PTPRG: variants seen among roughly 807,000 people sequenced by gnomAD.
PTPRG encodes receptor-type tyrosine-protein phosphatase gamma.
In PTPRG, 102 loss-of-function variants were observed where a neutral mutation model predicts 165.3. The observed-to-expected ratio is 0.62, with a 90% CI of 0.53 to 0.73. The LOEUF (loss-of-function observed/expected upper bound fraction) is 0.73, where lower values mean the gene tolerates loss of function less well. Ranked by LOEUF, PTPRG falls within the 30% of genes least tolerant of loss-of-function variation. PTPRG has a pLI of 0.00. For synonymous variants in PTPRG, 675 were observed against 669.5 expected, an observed-to-expected ratio of 1.01 and a Z score of -0.13; for missense variants, 1,866 against 1,861.4, an observed-to-expected ratio of 1.00 and a Z score of -0.05.
chr3:61,764,398 G>GCTAA (rs2033948483), intron 2 of PTPRG, among the ~76,000 whole-genome samples: 1 of 152,132 alleles, frequency 6.6e-6, no homozygotes, highest in Non-Finnish European at 1.5e-5. Context: ...CGAGATTAGG[G>GCTAA]CTAACTACAA....
intron 1 of PTPRG, among the ~76,000 whole-genome samples, chr3:61,607,491 C>T (rs762042571): frequency 2.6e-5 from 4 of 152,110 alleles, no homozygotes; most frequent in Non-Finnish European, 4.4e-5. Flanking sequence ...ACATCGCTAC[C>T]GCTCTCATTT....
chr3:62,255,707 C>T lies in PTPRG; in HGVS notation c.2559+492C>T, dbSNP rs1246329020. Among the ~76,000 whole-genome samples, 1 of 152,210 alleles carries T rather than the reference C, an allele frequency of 6.6e-6. No individual in the cohort carries two copies. The highest frequency in any genetic ancestry group is 1.5e-5 in the Non-Finnish European group (1 of 68,042). Reference sequence around the variant, plus strand: ...CATTTTTGAAAAATGGCACCAATGTCACCTACATTGTAACGTCGTTGGAAA... The same window carrying T: ...CATTTTTGAAAAATGGCACCAATGTTACCTACATTGTAACGTCGTTGGAAA... On this transcript the variant is annotated intron_variant, in intron 16 of 29. Transcript: ENST00000474889. This position sits in a 1 kb window ranked among gnomAD's most constrained non-coding sequence, Gnocchi z 4.0.
chr3:62,262,704 G>A, intron 16 of PTPRG, 94 bp from the exon 17 acceptor site: 1 of 748,954 alleles, frequency 1.3e-6, no homozygotes, highest in Non-Finnish European at 2.1e-6. Context: ...GGTGGCTGTG[G>A]CCAGGGAGTG....
rs557332399 is a variant in PTPRG, at chr3:62,164,450, A to G, written c.841-3521A>G. Among the ~76,000 whole-genome samples the G allele has an allele frequency of 4.6e-5, 7 of 152,272 alleles. 2 individuals carry two copies. The South Asian group carries it at 1.0e-3, about 23-fold the overall frequency. ...GGCGATTTTCATTTAAGTTAGAAAA[A>G]TGACAGGGTTTTAGTGAATGCCGCC... On this transcript the variant is annotated intron_variant, in intron 7 of 29. Coordinates refer to ENST00000474889, the MANE Select transcript of PTPRG (RefSeq NM_002841.4).
At chr3:62,081,671 G>A (rs746026220) in intron 5 of PTPRG, among the ~76,000 whole-genome samples, 6 of 152,142 alleles carry the variant, frequency 3.9e-5, no homozygotes, top group South Asian at 2.1e-4. Context: ...AAGCACACAC[G>A]TGCTTATATG....
At chr3:61,917,646 A>G (rs1375252758) in intron 2 of PTPRG, among the ~76,000 whole-genome samples, 1 of 152,150 alleles carries the variant, frequency 6.6e-6, no homozygotes, top group African/African-American at 2.4e-5. Flanking sequence ...AATCCAAGCA[A>G]AGGCGGGGCG....
In PTPRG at chr3:61,621,049, ATATGTG is replaced by A. The variant is rs1474759169; in HGVS notation, c.85+58679_85+58684del. On this transcript the variant is annotated intron_variant, in intron 1 of 29. Transcript: ENST00000474889. Reference sequence around the variant, plus strand: ...TGTGTGTGTGTATATATATATATATATATGTGTGTGTGTGTGTGTGTGTGTGTGTAT... The same window carrying A: ...TGTGTGTGTGTATATATATATATATATGTGTGTGTGTGTGTGTGTGTGTAT... Among the ~76,000 whole-genome samples the A allele has an allele frequency of 3.8e-4, 40 of 104,304 alleles. 1 individual carries two copies. Among genetic ancestry groups the A allele is most frequent in the Admixed American group, 3.7e-3 (35 of 9,576 alleles). 68.4% of individuals were successfully genotyped at this position (104,304 alleles called of 152,430 possible). A position where few individuals can be genotyped will look rare whatever the true frequency, so the allele number is the denominator to read the frequency against.
rs200948893 is a variant in PTPRG at position 61,990,919 on chromosome 3, A to G, written c.370+1115A>G. On this transcript the variant is annotated intron_variant, in intron 3 of 29. Transcript: ENST00000474889. ...GTTGCCTTTTTTTTTTTTTTTTTAA[A>G]TAACCTAACTGGCTAAATGGGCAGC... Among the ~76,000 whole-genome samples, 107 of 147,204 alleles carry G rather than the reference A, an allele frequency of 7.3e-4. 1 individual carries two copies. The East Asian group carries it at 0.017, about 24-fold the overall frequency.
chr3:61,657,615 C>T (rs906223423), intron 1 of PTPRG, among the ~76,000 whole-genome samples: 1 of 152,124 alleles, frequency 6.6e-6, no homozygotes, highest in Non-Finnish European at 1.5e-5. Flanking sequence ...ATTGATGATG[C>T]CTTTGATTTG....
intron 4 of PTPRG, among the ~76,000 whole-genome samples, chr3:62,063,341 C>G (rs1054915426): frequency 2.4e-4 from 37 of 152,268 alleles, no homozygotes; most frequent in African/African-American, 8.2e-4. Context: ...ACCACTAAAG[C>G]CTTTATCCAG....
chr3:62,261,428 G>A (rs775701505), intron 16 of PTPRG, among the ~76,000 whole-genome samples: 3 of 152,148 alleles, frequency 2.0e-5, no homozygotes, highest in Non-Finnish European at 4.4e-5. Context: ...TTTTAGAGAA[G>A]AGCCAAAGGG....
intron 2 of PTPRG, among the ~76,000 whole-genome samples, chr3:61,905,766 T>C (rs2038631548): frequency 6.6e-6 from 1 of 152,202 alleles, no homozygotes; most frequent in Non-Finnish European, 1.5e-5. Context: ...GAGGTGTTAT[T>C]AGAAAACTTT....
chr3:61,659,061 C>CCCTGTT (rs1055260614), intron 1 of PTPRG, among the ~76,000 whole-genome samples: 11 of 150,756 alleles, frequency 7.3e-5, no homozygotes, highest in African/African-American at 2.4e-4. Flanking sequence ...CTGCCCCTGC[C>CCCTGTT]CCTGTTCCCC....
chr3:62,194,805 T>TA (rs112680245), intron 9 of PTPRG, among the ~76,000 whole-genome samples: 14,514 of 140,816 alleles, frequency 0.1, 794 homozygotes, highest in Non-Finnish European at 0.13. Context: ...TTCATCTCAA[T>TA]AAAAAAAAAA....
chr3:61,870,352 GT>G (rs1301451633), intron 2 of PTPRG, among the ~76,000 whole-genome samples: 1 of 141,532 alleles, frequency 7.1e-6, no homozygotes, highest in Non-Finnish European at 1.5e-5. Flanking sequence ...GTCTCACTCT[GT>G]TGCCCAGGAG....
At chr3:62,179,562 G>T (rs1383644917) in intron 8 of PTPRG, among the ~76,000 whole-genome samples, 1 of 152,194 alleles carries the variant, frequency 6.6e-6, no homozygotes, top group Admixed American at 6.5e-5. Context: ...TTGAAAACTT[G>T]GTTTTCACCC....
At chr3:62,144,146 C>T (rs1368634274) in intron 6 of PTPRG, among the ~76,000 whole-genome samples, 1 of 152,218 alleles carries the variant, frequency 6.6e-6, no homozygotes, top group Non-Finnish European at 1.5e-5. Context: ...GACAGACGCA[C>T]TGGCCTGCAC....
At chr3:62,171,446 G>T (rs1272573212) in intron 8 of PTPRG, among the ~76,000 whole-genome samples, 1 of 152,080 alleles carries the variant, frequency 6.6e-6, no homozygotes, top group Non-Finnish European at 1.5e-5. Context: ...ATAATATACA[G>T]CTATGGTAAA....
intron 2 of PTPRG, among the ~76,000 whole-genome samples, chr3:61,833,938 C>T (rs1370586641): frequency 3.9e-5 from 6 of 152,164 alleles, no homozygotes; most frequent in Non-Finnish European, 8.8e-5. Context: ...TTCTCATCCA[C>T]AAAGTTATGG....
Sources: allele counts gnomAD v4.1 joint callset (sites outside exome capture counted in the v4.1 genomes callset), GRCh38; gene constraint gnomAD v4.1.1; non-coding constraint Gnocchi (gnomAD v3.1); transcripts MANE v1.5; gene names NCBI Gene and HGNC (gene_info 2026-07-23, HGNC 2026-07-21).